Variants in G2E3 observed in about 807,000 individuals in gnomAD.
G2E3 encodes the protein G2/M phase-specific E3 ubiquitin-protein ligase.
G2E3 carries 35 observed loss-of-function variants against 92.8 expected under a neutral mutation model. The ratio of observed to expected loss-of-function variants is 0.38; its 90% confidence interval spans 0.29 to 0.50. G2E3 has a LOEUF of 0.50. G2E3 is among the 20% of genes least tolerant of loss of function. G2E3 has a pLI of 0.94. For missense variants in G2E3, 554 were observed against 823.8 expected, an observed-to-expected ratio of 0.67 and a Z score of 4.01; for synonymous variants, 242 against 272.4, an observed-to-expected ratio of 0.89 and a Z score of 1.10.
At chr14:30,564,421 C>T (rs925893187) in intron 1 of G2E3, among the ~76,000 whole-genome samples, 6 of 152,222 alleles carry the variant, frequency 3.9e-5, no homozygotes, top group Admixed American at 2.0e-4. Flanking sequence ...CAGCCTCCAA[C>T]TCTTGGACTC....
rs768975951 is a variant in G2E3 at position 30,616,264 on chromosome 14, G to A, written c.1865-14G>A. On this transcript the variant is annotated splice_polypyrimidine_tract_variant and intron_variant, in intron 14 of 14. Coordinates refer to ENST00000206595, the MANE Select transcript of G2E3 (RefSeq NM_017769.5). ...TTTTGTTTCTTTTACTCTTTTATTG[G>A]TAAATTTTTTCAGATGGTAAATCTA... The A allele has an allele frequency of 6.4e-7, 1 of 1,567,324 alleles. No homozygotes were observed. Among genetic ancestry groups the A allele is most frequent in the Non-Finnish European group, 8.8e-7 (1 of 1,140,504 alleles).
intron 10 of G2E3, 85 bp from the exon 11 acceptor site, chr14:30,605,413 TCCCCTCG>T: frequency 4.0e-6 from 2 of 502,918 alleles, no homozygotes; most frequent in African/African-American, 2.0e-5. Flanking sequence ...AATCTTTTTT[TCCCCTCG>T]TCTTGTTTTA....
chr14:30,584,453 A>T (rs995678432), intron 2 of G2E3, among the ~76,000 whole-genome samples: 2 of 152,194 alleles, frequency 1.3e-5, no homozygotes, highest in African/African-American at 2.4e-5. Context: ...GAACTGCTGG[A>T]CTATTTCCCA....
chr14:30,580,989 G>C, intron 1 of G2E3, 87 bp from the exon 2 acceptor site: 5 of 761,458 alleles, frequency 6.6e-6, no homozygotes, highest in Non-Finnish European at 1.2e-5. Flanking sequence ...TGACTTATTT[G>C]TCATTATGCA....
Position 30,619,506 on chromosome 14 carries a change from G to C in G2E3, c.*2972G>C, listed in dbSNP as rs1882467027. On this transcript the variant is annotated 3_prime_UTR_variant, in exon 15 of 15. Coordinates refer to ENST00000206595, the MANE Select transcript of G2E3 (RefSeq NM_017769.5). ...AATAAGCTATTAAACTAGTTTTTAT[G>C]GTTCAAGTAATGCAATACAAAGTTT... 1 of 151,956 alleles carries C rather than the reference G, an allele frequency of 6.6e-6. No homozygotes were observed. Among genetic ancestry groups the C allele is most frequent in the South Asian group, 2.1e-4 (1 of 4,820 alleles). 9.4% of individuals were successfully genotyped at this position (151,956 alleles called of 1,614,324 possible).
intron 5 of G2E3, among the ~76,000 whole-genome samples, chr14:30,593,139 C>T (rs1039665670): frequency 5.9e-5 from 9 of 152,068 alleles, no homozygotes; most frequent in African/African-American, 9.7e-5. Context: ...TAATTTTATA[C>T]GATTTTGAGC....
intron 14 of G2E3, among the ~76,000 whole-genome samples, chr14:30,615,986 T>G (rs113867286): frequency 5.9e-4 from 90 of 152,290 alleles, no homozygotes; most frequent in Non-Finnish European, 1.2e-3. Context: ...AGTTGAAATT[T>G]TGTTTAGCTA....
Position 30,602,120 on chromosome 14 carries a change from A to C in G2E3, c.999A>C (p.Lys333Asn). 6.2e-7 allele frequency: 1 copy of C among 1,605,434 alleles called. No individual in the cohort carries two copies. The highest frequency in any genetic ancestry group is 8.5e-7 in the Non-Finnish European group (1 of 1,175,796). The change falls in exon 10 of 15, where the codon AAA (lysine) becomes AAC (asparagine). Residue 333 changes from lysine (K) to asparagine (N), a missense_variant. Transcript: ENST00000206595. ...LPRQSPGSQSKDLLRQGSKFR... is the reference protein window; with the variant it reads ...LPRQSPGSQSNDLLRQGSKFR... ...GACAGTCACCTGGATCCCAGAGTAAAGATCTACTGAGGTATGTATTTTGAA... is the reference window on the plus strand; with the variant it reads ...GACAGTCACCTGGATCCCAGAGTAACGATCTACTGAGGTATGTATTTTGAA...
At chr14:30,609,719 A>AT (rs1881999520) in intron 12 of G2E3, among the ~76,000 whole-genome samples, 1 of 152,074 alleles carries the variant, frequency 6.6e-6, no homozygotes, top group Non-Finnish European at 1.5e-5. Flanking sequence ...TTTTCCCAGA[A>AT]TTTTTTGTTT....
chr14:30,613,414 A>G (rs1229144997), intron 13 of G2E3, among the ~76,000 whole-genome samples: 1 of 152,186 alleles, frequency 6.6e-6, no homozygotes, highest in Non-Finnish European at 1.5e-5. Context: ...TATGTCTTGG[A>G]CCAGTATAAG....
intron 14 of G2E3, 86 bp from the exon 15 acceptor site, chr14:30,616,192 A>T (rs966560033): frequency 3.4e-6 from 3 of 891,498 alleles, no homozygotes; most frequent in Non-Finnish European, 5.4e-6. Context: ...TTCCAAGTCT[A>T]TTTGGAGAAG....
At chr14:30,562,654 G>C (rs866284032) in intron 1 of G2E3, among the ~76,000 whole-genome samples, 1 of 152,094 alleles carries the variant, frequency 6.6e-6, no homozygotes, top group African/African-American at 2.4e-5. Context: ...CTCTTGTGGA[G>C]GGCCTGACAC....
intron 1 of G2E3, among the ~76,000 whole-genome samples, chr14:30,563,797 G>A (rs577012673): frequency 6.6e-6 from 1 of 151,188 alleles, no homozygotes; most frequent in South Asian, 2.1e-4. Flanking sequence ...TTGACTCACT[G>A]CAACCTCCGC....
chr14:30,614,830 A>AT (rs370911136), intron 13 of G2E3, among the ~76,000 whole-genome samples: 4 of 152,302 alleles, frequency 2.6e-5, no homozygotes, highest in African/African-American at 9.6e-5. Context: ...CATTTTCCCT[A>AT]TTGATCTTTC....
At chr14:30,563,693 T>G (rs569254294) in intron 1 of G2E3, among the ~76,000 whole-genome samples, 6 of 118,540 alleles carry the variant, frequency 5.1e-5, no homozygotes, top group African/African-American at 2.2e-4. Flanking sequence ...ACTTTGTTAC[T>G]TTTGTGTGTG....
At chr14:30,595,723 C>T (rs1046918304) in intron 6 of G2E3, among the ~76,000 whole-genome samples, 2 of 152,124 alleles carry the variant, frequency 1.3e-5, no homozygotes, top group Non-Finnish European at 2.9e-5. Context: ...ACTCTGGTAT[C>T]GGTCTTAACT....
intron 1 of G2E3, among the ~76,000 whole-genome samples, chr14:30,561,020 T>C (rs908108600): frequency 1.3e-5 from 2 of 152,226 alleles, no homozygotes; most frequent in Non-Finnish European, 2.9e-5. Context: ...TTCATTTCCC[T>C]CTACCGTATG....
chr14:30,616,291 A>G lies in G2E3; in HGVS notation c.1878A>G (p.Thr626=), dbSNP rs765638476. 1 of 1,606,688 alleles carries G rather than the reference A, an allele frequency of 6.2e-7. No individual in the cohort carries two copies. Among genetic ancestry groups the G allele is most frequent in the East Asian group, 2.2e-5 (1 of 44,770 alleles). Residue 626 remains threonine, a synonymous_variant, in exon 15 of 15, where the codon ACA becomes ACG. Coordinates refer to ENST00000206595, the MANE Select transcript of G2E3 (RefSeq NM_017769.5). ...AAATTTTTTCAGATGGTAAATCTAC[A>G]ACAACAATGGAAGACATTCTTATTT... ...YLQAVEDGKS[T]TTMEDILIFA... is the part of the protein sequence containing the mutation.
chr14:30,570,730 A>T (rs1879707979), intron 1 of G2E3, among the ~76,000 whole-genome samples: 1 of 151,984 alleles, frequency 6.6e-6, no homozygotes, highest in Non-Finnish European at 1.5e-5. Flanking sequence ...TTGTTGAGAC[A>T]TTGTTGATTG....
Sources: gnomAD v4.1 joint callset for allele counts (sites outside exome capture counted in the v4.1 genomes callset) on GRCh38, gnomAD v4.1.1 for gene constraint, MANE v1.5 for transcripts, NCBI Gene and HGNC (gene_info 2026-07-23, HGNC 2026-07-21) for gene names.